The following TMEM64 variants were observed in gnomAD, a reference collection of about 807,000 sequenced individuals.
The protein encoded by TMEM64 is transmembrane protein 64.
Under a neutral mutation model 24.5 loss-of-function variants are expected in TMEM64, and 19 were observed. That is an observed-to-expected ratio of 0.78 (90% confidence interval 0.54 to 1.14). TMEM64 has a LOEUF of 1.14. Ranked by LOEUF, TMEM64 falls within the 50% of genes most tolerant of loss-of-function variation. The pLI is 0.00. For synonymous variants in TMEM64, 262 were observed against 224.7 expected (o/e 1.17, Z -1.49); for missense variants, 487 against 493.0 (o/e 0.99, Z 0.12).
intron 1 of TMEM64, among the ~76,000 whole-genome samples, chr8:90,633,098 C>T (rs569239955): frequency 6.6e-6 from 1 of 152,270 alleles, no homozygotes; most frequent in African/African-American, 2.4e-5. Context: ...ATCCCTTCCC[C>T]TAGAGCGTGG....
chr8:90,625,468 T>G lies in TMEM64; in HGVS notation c.*203A>C. ...GGCCAATACAGGCATGATAAAGAGG[T>G]GCAGCCAAATTTGCATCTACATTTA... On this transcript the variant is annotated 3_prime_UTR_variant, in exon 3 of 3. Transcript: ENST00000458549. 1 of 495,756 alleles carries G rather than the reference T, an allele frequency of 2.0e-6. No individual in the cohort carries two copies. The highest frequency in any genetic ancestry group is 5.3e-4 in the Middle Eastern group (1 of 1,892). 30.7% of individuals were successfully genotyped at this position (495,756 alleles called of 1,614,324 possible). A position where few individuals can be genotyped will look rare whatever the true frequency, so the allele number is the denominator to read the frequency against.
At chr8:90,632,659 G>C (rs116188605) in intron 1 of TMEM64, among the ~76,000 whole-genome samples, 1,839 of 152,214 alleles carry the variant, frequency 0.012, 33 homozygotes, top group African/African-American at 0.041. Context: ...GAGTTTCACC[G>C]TGTTGCCCAG....
chr8:90,645,247 C>A lies in TMEM64; in HGVS notation c.659G>T (p.Trp220Leu). 1 of 1,613,468 alleles carries A rather than the reference C, an allele frequency of 6.2e-7. No homozygotes were observed. ...HVVCKRLLTA[W>L]VAARIQSSEK... ...GCTGCTCTGGATCCTGGCGGCCACCCAGGCGGTGAGGAGCCGCTTGCAGAC... is the reference window on the plus strand; with the variant it reads ...GCTGCTCTGGATCCTGGCGGCCACCAAGGCGGTGAGGAGCCGCTTGCAGAC... Residue 220 changes from tryptophan to leucine, a missense_variant, in exon 1 of 3, where the codon TGG (tryptophan) becomes TTG (leucine). Trp to Leu is a moderately conservative substitution (Grantham distance 61). Around this residue, in one of 3 missense-constraint regions of TMEM64, gnomAD observed 419 missense variants for 407.5 expected, o/e 1.03. Transcript: ENST00000458549. This position sits in a 1 kb window ranked among gnomAD's most constrained non-coding sequence, Gnocchi z 4.2.
intron 1 of TMEM64, among the ~76,000 whole-genome samples, chr8:90,641,407 G>C (rs1335247040): frequency 6.6e-6 from 1 of 152,138 alleles, no homozygotes; most frequent in Non-Finnish European, 1.5e-5. Flanking sequence ...ATCAATCTTA[G>C]CTTGTATGCC....
intron 2 of TMEM64, among the ~76,000 whole-genome samples, chr8:90,627,278 G>A (rs1429487201): frequency 6.6e-6 from 1 of 152,120 alleles, no homozygotes; most frequent in Non-Finnish European, 1.5e-5. Context: ...ACAAGGGGGT[G>A]CCATTAAATG....
intron 1 of TMEM64, among the ~76,000 whole-genome samples, 166 bp from the exon 2 acceptor site, chr8:90,631,873 A>C (rs1809445017): frequency 2.0e-5 from 3 of 152,284 alleles, no homozygotes; most frequent in Admixed American, 1.3e-4. Context: ...GAATACATGC[A>C]GAATGTAGAA....
intron 1 of TMEM64, among the ~76,000 whole-genome samples, chr8:90,637,877 C>A (rs1809546341): frequency 6.6e-6 from 1 of 152,194 alleles, no homozygotes. Context: ...TACCTATTCT[C>A]TTTCCTTTGC....
rs1485401190 is a variant in TMEM64 at position 90,622,795 on chromosome 8, G to A, written c.*2876C>T. 6.6e-6 allele frequency: 1 copy of A among 152,204 alleles called. No homozygotes were observed. Among genetic ancestry groups the A allele is most frequent in the Admixed American group, 6.5e-5 (1 of 15,280 alleles). The allele number at this position is 152,204 out of a possible 1,614,324, so 9.4% of individuals were successfully genotyped here. On this transcript the variant is annotated 3_prime_UTR_variant, in exon 3 of 3. Transcript: ENST00000458549. ...AGGGAAAAGCCACCTAAAAGCATGT[G>A]TAGCTGGTTACAAAGTGCATCAAGG...
chr8:90,639,392 A>C (rs1809569221), intron 1 of TMEM64, among the ~76,000 whole-genome samples: 1 of 152,064 alleles, frequency 6.6e-6, no homozygotes, highest in Admixed American at 6.6e-5. Context: ...CCACATACAC[A>C]CAGAGGCCTT....
chr8:90,625,938 C>T, intron 2 of TMEM64, 76 bp from the exon 3 acceptor site: 1 of 1,119,796 alleles, frequency 8.9e-7, no homozygotes, highest in Admixed American at 2.5e-5. Context: ...AAATATTTGG[C>T]TTAGAAATGC....
At chr8:90,628,584 T>C (rs1392094409) in intron 2 of TMEM64, among the ~76,000 whole-genome samples, 2 of 152,062 alleles carry the variant, frequency 1.3e-5, no homozygotes, top group Non-Finnish European at 1.5e-5. Flanking sequence ...CCCAAAAGAA[T>C]AGGGGCAAAG....
chr8:90,625,525 T>TAAA lies in TMEM64; in HGVS notation c.*143_*145dup. The TAAA allele has an allele frequency of 1.9e-6, 1 of 531,222 alleles. No homozygotes were observed. Among genetic ancestry groups the TAAA allele is most frequent in the Non-Finnish European group, 3.1e-6 (1 of 327,838 alleles). 32.9% of individuals were successfully genotyped at this position (531,222 alleles called of 1,614,324 possible). On this transcript the variant is annotated 3_prime_UTR_variant, in exon 3 of 3. Coordinates refer to ENST00000458549, the MANE Select transcript of TMEM64 (RefSeq NM_001008495.4). The stretch of plus-strand genomic sequence containing the variant: ...CATACCCAGAAAATGATTCTTGCTT[T>TAAA]AAAAAAAAAAAATTGTGCAATTTAA...
intron 1 of TMEM64, among the ~76,000 whole-genome samples, chr8:90,635,511 C>A (rs116122765): frequency 1.3e-5 from 2 of 151,778 alleles, no homozygotes; most frequent in East Asian, 3.9e-4. Context: ...ATTGTTTATA[C>A]GACACACACA....
intron 2 of TMEM64, among the ~76,000 whole-genome samples, chr8:90,626,699 C>T (rs1447436159): frequency 6.8e-6 from 1 of 147,472 alleles, no homozygotes; most frequent in African/African-American, 2.5e-5. Flanking sequence ...GGCACAATCT[C>T]GGCTCACTGC....
intron 1 of TMEM64, among the ~76,000 whole-genome samples, chr8:90,633,592 T>TA: frequency 6.6e-6 from 1 of 152,320 alleles, no homozygotes; most frequent in African/African-American, 2.4e-5. Context: ...GTTCAAATAG[T>TA]AAAAAACTTA....
intron 2 of TMEM64, among the ~76,000 whole-genome samples, chr8:90,626,906 G>C (rs1809368837): frequency 6.6e-6 from 1 of 152,116 alleles, no homozygotes; most frequent in South Asian, 2.1e-4. Flanking sequence ...GGGATTACAG[G>C]CATGAGCCAC....
chr8:90,644,296 T>C (rs559952872), intron 1 of TMEM64, among the ~76,000 whole-genome samples: 1 of 152,278 alleles, frequency 6.6e-6, no homozygotes, highest in Admixed American at 6.5e-5. Flanking sequence ...AGTCACAAAG[T>C]TTGTAAAGAC....
chr8:90,622,273 G>C lies in TMEM64; in HGVS notation c.*3398C>G, dbSNP rs1419714284. On this transcript the variant is annotated 3_prime_UTR_variant, in exon 3 of 3. Coordinates refer to ENST00000458549, the MANE Select transcript of TMEM64 (RefSeq NM_001008495.4). ...TCCTCTCCCTTCTAATGGCTTTTCA[G>C]ATTAAAGCAATGACTTTAAAAAGAT... The C allele has an allele frequency of 6.6e-6, 1 of 152,146 alleles. No individual in the cohort carries two copies. Among genetic ancestry groups the C allele is most frequent in the Non-Finnish European group, 1.5e-5 (1 of 68,016 alleles). The allele number at this position is 152,146 out of a possible 1,614,324, so 9.4% of individuals were successfully genotyped here.
rs972489948 is a variant in TMEM64, at chr8:90,624,953, G to C, written c.*718C>G. On this transcript the variant is annotated 3_prime_UTR_variant, in exon 3 of 3. Transcript: ENST00000458549. ...AGCCAATGTAACTGAATTAGAACAA[G>C]AGTTCCAATTTTGAGCTACCATCCA... 2.0e-5 allele frequency: 3 copies of C among 152,558 alleles called. No homozygotes were observed. Among genetic ancestry groups the C allele is most frequent in the Non-Finnish European group, 4.4e-5 (3 of 67,998 alleles). 9.5% of individuals were successfully genotyped at this position (152,558 alleles called of 1,614,324 possible).
Sources: gnomAD v4.1 joint callset for allele counts (sites outside exome capture counted in the v4.1 genomes callset) on GRCh38, gnomAD v4.1.1 for gene constraint, gnomAD v4.1.1 regional missense constraint, Gnocchi (gnomAD v3.1) non-coding constraint, MANE v1.5 for transcripts, NCBI Gene and HGNC (gene_info 2026-07-23, HGNC 2026-07-21) for gene names.